Variants in CCDC32 observed in about 807,000 individuals in gnomAD.
CCDC32 encodes coiled-coil domain-containing protein 32.
In CCDC32, 9 loss-of-function variants were observed where a neutral mutation model predicts 20.1. That is an observed-to-expected ratio of 0.45 (90% CI 0.27 to 0.78). The LOEUF (loss-of-function observed/expected upper bound fraction) is 0.78. CCDC32 is among the 30% of genes least tolerant of loss of function. The probability of loss-of-function intolerance (pLI) is 0.16; values close to 1 mark genes in which losing one functional copy is unlikely to be tolerated. For synonymous variants in CCDC32, 63 were observed against 79.0 expected, an observed-to-expected ratio of 0.80 and a Z score of 1.07; for missense variants, 204 against 215.5, an observed-to-expected ratio of 0.95 and a Z score of 0.33.
intron 3 of CCDC32, among the ~76,000 whole-genome samples, chr15:40,543,428 CCT>C (rs1285179360): frequency 8.5e-5 from 13 of 152,100 alleles, no homozygotes; most frequent in African/African-American, 3.1e-4. Flanking sequence ...GATTCGTCAG[CCT>C]CTCTCTCTGT....
intron 3 of CCDC32, among the ~76,000 whole-genome samples, chr15:40,540,364 CTTTTTCTT>C (rs1450400702): frequency 4.1e-5 from 6 of 147,490 alleles, no homozygotes; most frequent in African/African-American, 5.0e-5. Flanking sequence ...TTTTCTTTTT[CTTTTTCTT>C]TTTTTTTTTT....
chr15:40,561,228 A>T (rs759810720), intron 2 of CCDC32, among the ~76,000 whole-genome samples: 27 of 152,120 alleles, frequency 1.8e-4, no homozygotes, highest in Non-Finnish European at 2.6e-4. Flanking sequence ...TAATCCCAGC[A>T]CTCTGGGAGG....
At chr15:40,549,456 C>T (rs1394599916), downstream of CCDC32, among the ~76,000 whole-genome samples, 1 of 152,150 alleles carries the variant, frequency 6.6e-6, no homozygotes, top group Non-Finnish European at 1.5e-5. Context: ...TCTATGGACT[C>T]AGCTCCCCTA....
At chr15:40,521,079 A>T in the CCDC32 span, among the ~76,000 whole-genome samples, 3 of 152,204 alleles carry the variant, frequency 2.0e-5, no homozygotes, top group African/African-American at 7.2e-5. Context: ...CGCGTCGAGT[A>T]GGCTGAGGAG....
At chr15:40,535,504 C>T (rs780893585), downstream of CCDC32, 28 of 987,458 alleles carry the variant, frequency 2.8e-5, no homozygotes, top group South Asian at 4.7e-5. Context: ...TGAAATTGGG[C>T]CTATAGATTT....
downstream of CCDC32, among the ~76,000 whole-genome samples, chr15:40,533,305 A>C (rs1888964030): frequency 6.6e-6 from 1 of 152,264 alleles, no homozygotes; most frequent in Non-Finnish European, 1.5e-5. Context: ...AAGGAGTTTA[A>C]ATTTTGAAAG....
At chr15:40,537,555 C>T (rs1889173510), downstream of CCDC32, 1 of 152,272 alleles carries the variant, frequency 6.6e-6, no homozygotes. Flanking sequence ...AATAGCTCTA[C>T]AGGAGCATAA....
chr15:40,547,447 G>A (rs1889668464), intron 3 of CCDC32, among the ~76,000 whole-genome samples: 1 of 152,134 alleles, frequency 6.6e-6, no homozygotes, highest in Non-Finnish European at 1.5e-5. Context: ...CTTCCCTATG[G>A]AAGCCAAACT....
intron 3 of CCDC32, among the ~76,000 whole-genome samples, chr15:40,540,352 TTTTTTC>T (rs148397497): frequency 0.32 from 46,734 of 145,030 alleles, 7,174 homozygotes; most frequent in Middle Eastern, 0.37. Context: ...TTCTTAGCAT[TTTTTTC>T]TTTTTCTTTT....
At chr15:40,526,294 A>G (rs890895970), downstream of CCDC32, among the ~76,000 whole-genome samples, 1 of 152,204 alleles carries the variant, frequency 6.6e-6, no homozygotes. Context: ...TTTCAGCTCA[A>G]TAAATATTTA....
intron 2 of CCDC32, among the ~76,000 whole-genome samples, 168 bp downstream of exon 2, chr15:40,562,604 G>T (rs1412519548): frequency 1.3e-5 from 2 of 152,046 alleles, no homozygotes; most frequent in Non-Finnish European, 1.5e-5. Context: ...AATAAAAAAA[G>T]ATCTGTTCAA....
At chr15:40,552,481 CAAA>C (rs58360713), downstream of CCDC32, among the ~76,000 whole-genome samples, 35,778 of 93,834 alleles carry the variant, frequency 0.38, 5,042 homozygotes, top group Non-Finnish European at 0.41. Flanking sequence ...AACTCCATCT[CAAA>C]AAAAAAAAAA....
chr15:40,564,656 T>TA lies in CCDC32; in HGVS notation c.-13+319dup, dbSNP rs1444952158. Reference sequence around the variant, plus strand: ...GCCCAGCCAGCGTAAAGGCCGGAAGTAAAAGGGACAGCTATGACACGGCGG... The same window carrying TA: ...GCCCAGCCAGCGTAAAGGCCGGAAGTAAAAAGGGACAGCTATGACACGGCGG... On this transcript the variant is annotated intron_variant, in intron 1 of 3. Transcript: ENST00000416810. 2.0e-6 allele frequency: 3 copies of TA among 1,494,248 alleles called. No individual in the cohort carries two copies. In the East Asian group the frequency reaches 6.8e-5, roughly 34 times the overall value. 92.6% of individuals were successfully genotyped at this position (1,494,248 alleles called of 1,614,324 possible). A position where few individuals can be genotyped will look rare whatever the true frequency, so the allele number is the denominator to read the frequency against.
At chr15:40,549,523 C>T (rs933375185), downstream of CCDC32, among the ~76,000 whole-genome samples, 1 of 152,212 alleles carries the variant, frequency 6.6e-6, no homozygotes, top group Non-Finnish European at 1.5e-5. Flanking sequence ...ATCTCCTTCC[C>T]ATGTGCTCTC....
chr15:40,522,710 C>T, the CCDC32 span, among the ~76,000 whole-genome samples: 1 of 152,102 alleles, frequency 6.6e-6, no homozygotes, highest in African/African-American at 2.4e-5. Flanking sequence ...TGAGTAAAGC[C>T]CATTAAGCAT....
At chr15:40,539,427 G>A in intron 3 of CCDC32, 1 of 1,308,906 alleles carries the variant, frequency 7.6e-7, no homozygotes, top group Middle Eastern at 1.8e-4. Flanking sequence ...CACTAACAGA[G>A]TCAAAGAGAG....
downstream of CCDC32, chr15:40,538,914 C>T (rs1365236666): frequency 2.4e-5 from 9 of 370,642 alleles, no homozygotes; most frequent in East Asian, 5.3e-5. Flanking sequence ...CACCCATGAG[C>T]GCTGCCAACT....
At chr15:40,530,135 T>C (rs530267056), downstream of CCDC32, among the ~76,000 whole-genome samples, 14 of 150,852 alleles carry the variant, frequency 9.3e-5, no homozygotes, top group African/African-American at 3.1e-4. Flanking sequence ...CTACTAAAAA[T>C]ACAAAAAGTG....
intron 3 of CCDC32, among the ~76,000 whole-genome samples, chr15:40,545,454 T>C (rs1454715194): frequency 1.0e-5 from 1 of 95,614 alleles, no homozygotes; most frequent in Non-Finnish European, 2.3e-5. Context: ...GAGAGTCAGT[T>C]TGTTTGGGAA....
Sources: allele counts gnomAD v4.1 joint callset (sites outside exome capture counted in the v4.1 genomes callset), GRCh38; gene constraint gnomAD v4.1.1; transcripts MANE v1.5; gene names NCBI Gene and HGNC (gene_info 2026-07-23, HGNC 2026-07-21).